Variants in WDPCP observed in about 807,000 individuals in gnomAD.
WDPCP encodes WD repeat-containing and planar cell polarity effector protein fritz homolog.
Under a neutral mutation model 93.1 loss-of-function variants are expected in WDPCP, and 71 were observed. The observed-to-expected ratio is 0.76, with a 90% CI of 0.63 to 0.93. The LOEUF is 0.93. WDPCP is among the 40% of genes least tolerant of loss of function. WDPCP has a pLI of 0.00. For synonymous variants in WDPCP, 315 were observed against 315.0 expected (o/e 1.00, Z 0.00); for missense variants, 844 against 887.4 (o/e 0.95, Z 0.62).
chr2:63,305,543 A>T (rs755932851), intron 13 of WDPCP, among the ~76,000 whole-genome samples: 9 of 152,192 alleles, frequency 5.9e-5, no homozygotes, highest in Non-Finnish European at 1.3e-4. Flanking sequence ...CAAAAACCCC[A>T]TCCAAAGGTC....
intron 10 of WDPCP, among the ~76,000 whole-genome samples, chr2:63,385,082 T>G (rs1692622001): frequency 6.6e-6 from 1 of 152,078 alleles, no homozygotes; most frequent in Admixed American, 6.6e-5. Context: ...CTATAATCAT[T>G]TCAATTGCTG....
At chr2:63,652,110 A>C (rs1053797637) in intron 2 of WDPCP, among the ~76,000 whole-genome samples, 4 of 152,226 alleles carry the variant, frequency 2.6e-5, no homozygotes, top group African/African-American at 9.6e-5. Context: ...GAAAGATGCA[A>C]GTGGCCCTGA....
At chr2:63,263,141 G>T (rs1243659069) in intron 13 of WDPCP, among the ~76,000 whole-genome samples, 1 of 152,030 alleles carries the variant, frequency 6.6e-6, no homozygotes, top group African/African-American at 2.4e-5. Context: ...TTAGGATCTG[G>T]TGAAAGACAT....
At chr2:63,252,408 A>G (rs1408244814) in intron 14 of WDPCP, among the ~76,000 whole-genome samples, 2 of 152,212 alleles carry the variant, frequency 1.3e-5, no homozygotes, top group South Asian at 2.1e-4. Context: ...TTCCTGTTCA[A>G]AAAAGTACTG....
chr2:63,267,944 A>G lies in WDPCP; in HGVS notation c.1813-8535T>C, dbSNP rs149425803. Among the ~76,000 whole-genome samples the G allele has an allele frequency of 2.1e-3, 315 of 152,266 alleles. 2 individuals are homozygous for G. The highest frequency in any genetic ancestry group is 7.1e-3 in the African/African-American group (295 of 41,550). On this transcript the variant is annotated intron_variant, in intron 13 of 17. Transcript: ENST00000272321. ...TTTCTTAAAAAAAACTAAAAACACC[A>G]TATGATCTAGCAATTGCGCTTCTGG... is the stretch of plus-strand genomic sequence containing the variant.
At chr2:63,608,650 A>C (rs1173845181) in intron 3 of WDPCP, among the ~76,000 whole-genome samples, 1 of 152,074 alleles carries the variant, frequency 6.6e-6, no homozygotes, top group Non-Finnish European at 1.5e-5. Context: ...CTCTACAAAA[A>C]AATTTAAAAA....
chr2:63,766,560 G>A (rs1670142751), intron 2 of WDPCP, among the ~76,000 whole-genome samples: 1 of 148,556 alleles, frequency 6.7e-6, no homozygotes, highest in South Asian at 2.1e-4. Context: ...CTTAATCTAT[G>A]GATTTCTGTA....
At chr2:63,597,193 G>A in intron 3 of WDPCP, 1 of 807,822 alleles carries the variant, frequency 1.2e-6, no homozygotes, top group Non-Finnish European at 1.5e-6. Flanking sequence ...ATTGAAACAG[G>A]AAAAGCAAAA....
At chr2:63,715,056 G>T (rs1264094141) in intron 2 of WDPCP, among the ~76,000 whole-genome samples, 1 of 152,166 alleles carries the variant, frequency 6.6e-6, no homozygotes, top group Non-Finnish European at 1.5e-5. Flanking sequence ...CAGACACAAA[G>T]GTCACATATG....
At chr2:63,144,265 TTTTA>T (rs1671311082) in intron 17 of WDPCP, among the ~76,000 whole-genome samples, 2 of 28,028 alleles carry the variant, frequency 7.1e-5, no homozygotes, top group African/African-American at 1.4e-4. Flanking sequence ...ACCCTTTTTA[TTTTA>T]TTTTATTTTA....
At chr2:63,181,355 C>T (rs1490535752) in intron 14 of WDPCP, among the ~76,000 whole-genome samples, 1 of 152,030 alleles carries the variant, frequency 6.6e-6, no homozygotes, top group Non-Finnish European at 1.5e-5. Flanking sequence ...TTTAATTGAT[C>T]TTGAGTTGGC....
chr2:63,430,743 G>T (rs997460218), intron 9 of WDPCP, among the ~76,000 whole-genome samples: 1 of 152,156 alleles, frequency 6.6e-6, no homozygotes, highest in Admixed American at 6.5e-5. Flanking sequence ...CTAGCTGGGC[G>T]TGGTGGTGCA....
chr2:63,153,196 A>G (rs1437644756), intron 16 of WDPCP: 11 of 558,602 alleles, frequency 2.0e-5, no homozygotes, highest in African/African-American at 3.8e-5. Context: ...TACTAGCAGC[A>G]TATCACTTGA....
In WDPCP at chr2:63,338,551, TAA is replaced by T. The variant is rs373990599; in HGVS notation, c.1749-25242_1749-25241del. Among the ~76,000 whole-genome samples the T allele has an allele frequency of 9.6e-3, 241 of 24,982 alleles. 3 individuals are homozygous for T. Among genetic ancestry groups the T allele is most frequent in the South Asian group, 0.014 (7 of 488 alleles). The allele number at this position is 24,982 out of a possible 152,430, so 16.4% of individuals were successfully genotyped here. ...TGGGCAACAAGAGCAAAACTCCATC[TAA>T]AAAAAAAAAAAAAAAAATATATATA... On this transcript the variant is annotated intron_variant, in intron 12 of 17. Transcript: ENST00000272321.
intron 10 of WDPCP, among the ~76,000 whole-genome samples, chr2:63,383,190 A>G (rs1264057134): frequency 6.6e-6 from 1 of 152,308 alleles, no homozygotes; most frequent in East Asian, 1.9e-4. Context: ...AAAAGCAAAG[A>G]TATGAATGAT....
At chr2:63,635,497 T>A (rs766981548) in intron 3 of WDPCP, among the ~76,000 whole-genome samples, 1 of 151,950 alleles carries the variant, frequency 6.6e-6, no homozygotes, top group East Asian at 1.9e-4. Flanking sequence ...TTGAATTCAA[T>A]AGCACATTAA....
chr2:63,377,513 A>G (rs377111082), intron 12 of WDPCP, among the ~76,000 whole-genome samples: 33 of 150,980 alleles, frequency 2.2e-4, no homozygotes, highest in South Asian at 1.2e-3. Context: ...TTTAAAAATA[A>G]TTTTTTATTT....
At chr2:63,228,405 T>C (rs1455038975) in intron 14 of WDPCP, 10 of 132,388 alleles carry the variant, frequency 7.6e-5, no homozygotes, top group African/African-American at 2.7e-4. Context: ...TTTTTTTTTT[T>C]GAATTTTTTG....
chr2:63,290,086 C>T (rs574946650), intron 13 of WDPCP, among the ~76,000 whole-genome samples: 10 of 151,632 alleles, frequency 6.6e-5, no homozygotes, highest in South Asian at 2.1e-4. Context: ...TTTGAACTTA[C>T]GGTCGTTATT....
Sources: allele counts gnomAD v4.1 joint callset (sites outside exome capture counted in the v4.1 genomes callset), GRCh38; gene constraint gnomAD v4.1.1; transcripts MANE v1.5; gene names NCBI Gene and HGNC (gene_info 2026-07-23, HGNC 2026-07-21).